GALNT2: variants seen among roughly 807,000 people sequenced by gnomAD.
GALNT2 encodes the protein UDP-GalNAc:polypeptide N-acetylgalactosaminyltransferase 2.
A neutral mutation model predicts 81.4 loss-of-function variants in GALNT2; 31 were observed. That is an observed-to-expected ratio of 0.38 (90% CI 0.29 to 0.51). GALNT2 has a LOEUF of 0.51. Among genes scored for constraint, GALNT2 ranks in the 20% least tolerant of loss-of-function variants. GALNT2 has a pLI of 0.87. For synonymous variants in GALNT2, 303 were observed against 287.4 expected (o/e 1.05, Z -0.55); for missense variants, 629 against 765.7 (o/e 0.82, Z 2.11).
Position 230,067,305 on chromosome 1 carries a change from C to T in GALNT2, c.25C>T (p.Leu9Phe), listed in dbSNP as rs1659223030. 1 of 1,376,000 alleles carries T rather than the reference C, an allele frequency of 7.3e-7. No homozygotes were observed. The highest frequency in any genetic ancestry group is 9.5e-7 in the Non-Finnish European group (1 of 1,051,228). The allele number at this position is 1,376,000 out of a possible 1,614,324, so 85.2% of individuals were successfully genotyped here. A position where few individuals can be genotyped will look rare whatever the true frequency, so the allele number is the denominator to read the frequency against. The change falls in exon 1 of 16, where the codon CTC becomes TTC. Residue 9 changes from leucine to phenylalanine, a missense_variant. Leu to Phe is a conservative substitution (Grantham distance 22). This residue lies in a region of GALNT2 where 62 missense variants were observed against 47.3 expected (regional missense o/e 1.31). Coordinates refer to ENST00000366672, the MANE Select transcript of GALNT2 (RefSeq NM_004481.5). MRRRSRML[L>F]CFAFLWVLGI... is the part of the protein sequence containing the mutation. ...AATGCGGCGGCGCTCGCGGATGCTGCTCTGCTTCGCCTTCCTGTGGGTGCT... is the reference window on the plus strand; with the variant it reads ...AATGCGGCGGCGCTCGCGGATGCTGTTCTGCTTCGCCTTCCTGTGGGTGCT...
intron 1 of GALNT2, among the ~76,000 whole-genome samples, chr1:230,075,287 A>G (rs548936389): frequency 1.2e-4 from 18 of 151,580 alleles, no homozygotes; most frequent in Admixed American, 5.3e-4. Flanking sequence ...CACCATGCCC[A>G]GCTGATTTTT....
chr1:230,157,818 G>A (rs1173082447), intron 1 of GALNT2, among the ~76,000 whole-genome samples: 1 of 152,238 alleles, frequency 6.6e-6, no homozygotes, highest in Non-Finnish European at 1.5e-5. Context: ...GCCAGGGGCT[G>A]GAGAAGAGAG....
chr1:230,233,954 C>T (rs956506982), intron 3 of GALNT2, among the ~76,000 whole-genome samples: 9 of 151,710 alleles, frequency 5.9e-5, no homozygotes, highest in African/African-American at 2.2e-4. Context: ...CAAATTTCCT[C>T]CACAGGGTCT....
At chr1:230,205,328 T>G (rs1263718040) in intron 3 of GALNT2, among the ~76,000 whole-genome samples, 1 of 152,196 alleles carries the variant, frequency 6.6e-6, no homozygotes, top group African/African-American at 2.4e-5. Context: ...TTAAGAAATA[T>G]GTAGCTTTAC....
At chr1:230,130,140 C>T (rs1006495088) in intron 1 of GALNT2, among the ~76,000 whole-genome samples, 5 of 152,218 alleles carry the variant, frequency 3.3e-5, no homozygotes, top group Non-Finnish European at 7.3e-5. Flanking sequence ...CCTAATACCT[C>T]TTGCACATGA....
intron 1 of GALNT2, among the ~76,000 whole-genome samples, chr1:230,115,685 A>G (rs1660823564): frequency 6.6e-6 from 1 of 152,218 alleles, no homozygotes; most frequent in African/African-American, 2.4e-5. Context: ...GAAATTTGCC[A>G]CATTGATGGA....
chr1:230,155,859 G>C (rs1662234699), intron 1 of GALNT2, among the ~76,000 whole-genome samples: 1 of 152,148 alleles, frequency 6.6e-6, no homozygotes, highest in Non-Finnish European at 1.5e-5. Flanking sequence ...CAGGAGTTCT[G>C]AGTGGAGGAC....
intron 1 of GALNT2, among the ~76,000 whole-genome samples, chr1:230,157,493 C>G (rs1184301467): frequency 2.0e-5 from 3 of 152,160 alleles, no homozygotes; most frequent in Admixed American, 1.3e-4. Flanking sequence ...TAGATATTAT[C>G]CAAGGGAAAT....
chr1:230,058,167 C>G (rs1042223899), intron 1 of GALNT2: 1 of 453,562 alleles, frequency 2.2e-6, no homozygotes, highest in Non-Finnish European at 4.4e-6. Flanking sequence ...TTTCCTAGCA[C>G]TCCTGACACT....
intron 11 of GALNT2, chr1:230,261,844 T>G (rs982391146): frequency 6.6e-6 from 1 of 152,238 alleles, no homozygotes; most frequent in Non-Finnish European, 1.5e-5. Flanking sequence ...CCGTCTCTAC[T>G]AAAATTACAC....
At chr1:230,140,493 TG>T (rs1351458194) in intron 1 of GALNT2, among the ~76,000 whole-genome samples, 2 of 152,214 alleles carry the variant, frequency 1.3e-5, no homozygotes, top group Non-Finnish European at 2.9e-5. Flanking sequence ...CAGTGGAGCG[TG>T]ACTTCCCGTG....
rs557156211 is a variant in GALNT2, at chr1:230,221,058, G to T, written c.375-14956G>T. On this transcript the variant is annotated intron_variant, in intron 3 of 15. Coordinates refer to ENST00000366672, the MANE Select transcript of GALNT2 (RefSeq NM_004481.5). ...AAGAAAAGTCTGAAAGCTTCACATT[G>T]TCTCTGGTGAACATCCTTCCTAATT... Among the ~76,000 whole-genome samples the T allele has an allele frequency of 3.9e-5, 6 of 152,282 alleles. No homozygotes were observed. In the East Asian group the frequency reaches 9.6e-4, roughly 24 times the overall value.
At chr1:230,202,989 G>C (rs954712630) in intron 2 of GALNT2, 148 bp from the exon 3 acceptor site, 1 of 821,314 alleles carries the variant, frequency 1.2e-6, no homozygotes, top group Non-Finnish European at 1.9e-6. Context: ...GCTTGCTTGT[G>C]CTGTTTTCAG....
rs1399650187 is a variant in GALNT2, at chr1:230,067,266, G to T, written c.-15G>T. 8 of 1,302,752 alleles carry T rather than the reference G, an allele frequency of 6.1e-6. No individual in the cohort carries two copies. Among genetic ancestry groups the T allele is most frequent in the Non-Finnish European group, 6.9e-6 (7 of 1,016,716 alleles). 80.7% of individuals were successfully genotyped at this position (1,302,752 alleles called of 1,614,324 possible). On this transcript the variant is annotated 5_prime_UTR_variant, in exon 1 of 16. Coordinates refer to ENST00000366672, the MANE Select transcript of GALNT2 (RefSeq NM_004481.5). ...CGCGAGCAGCGGCGGCCCCGCCGGCGGCCGAGTTGGGAGAATGCGGCGGCG... is the reference window on the plus strand; with the variant it reads ...CGCGAGCAGCGGCGGCCCCGCCGGCTGCCGAGTTGGGAGAATGCGGCGGCG...
chr1:230,265,009 T>C lies in GALNT2; in HGVS notation c.1314-232T>C, dbSNP rs1296948757. 11 of 401,982 alleles carry C rather than the reference T, an allele frequency of 2.7e-5. No individual in the cohort carries two copies. In the East Asian group the frequency reaches 4.2e-4, roughly 15 times the overall value. The allele number at this position is 401,982 out of a possible 1,614,324, so 24.9% of individuals were successfully genotyped here. A position where few individuals can be genotyped will look rare whatever the true frequency, so the allele number is the denominator to read the frequency against. ...AAAAAAAAAATGACCTGATATAGAA[T>C]ATAAAGAATACTTCTGCAACATACA... On this transcript the variant is annotated intron_variant, in intron 13 of 15. Coordinates refer to ENST00000366672, the MANE Select transcript of GALNT2 (RefSeq NM_004481.5).
chr1:230,163,281 G>A lies in GALNT2; in HGVS notation c.127-14937G>A, dbSNP rs567179090. Among the ~76,000 whole-genome samples, 34 of 152,354 alleles carry A rather than the reference G, an allele frequency of 2.2e-4. No individual in the cohort carries two copies. The South Asian group carries it at 6.2e-3, about 28-fold the overall frequency. On this transcript the variant is annotated intron_variant, in intron 1 of 15. Coordinates refer to ENST00000366672, the MANE Select transcript of GALNT2 (RefSeq NM_004481.5). ...ACTTGGAACAAGTTCCATGGAGTGC[G>A]CACATCTTGTGGGCCACTGGCCACT... is the stretch of plus-strand genomic sequence containing the variant.
intron 3 of GALNT2, among the ~76,000 whole-genome samples, chr1:230,217,845 C>T (rs1350267436): frequency 1.3e-5 from 2 of 152,172 alleles, no homozygotes; most frequent in Admixed American, 6.5e-5. Flanking sequence ...AGGAAAAGCC[C>T]TCATTATCTA....
At chr1:230,103,174 A>G (rs907950325) in intron 1 of GALNT2, among the ~76,000 whole-genome samples, 2 of 152,226 alleles carry the variant, frequency 1.3e-5, no homozygotes, top group Non-Finnish European at 2.9e-5. Flanking sequence ...ATCTGCAGAA[A>G]TAGACAGTTG....
intron 1 of GALNT2, among the ~76,000 whole-genome samples, chr1:230,171,047 A>G (rs1662776796): frequency 2.0e-5 from 3 of 152,246 alleles, no homozygotes; most frequent in Admixed American, 2.0e-4. Flanking sequence ...AATAGGTCAC[A>G]CAGCCTATTT....
Sources: gnomAD v4.1 joint callset for allele counts (sites outside exome capture counted in the v4.1 genomes callset) on GRCh38, gnomAD v4.1.1 for gene constraint, gnomAD v4.1.1 regional missense constraint, MANE v1.5 for transcripts, NCBI Gene and HGNC (gene_info 2026-07-23, HGNC 2026-07-21) for gene names.